The following PTPRR variants were observed in gnomAD, a reference collection of about 807,000 sequenced individuals.
The protein encoded by PTPRR is protein tyrosine phosphatase receptor type R.
Under a neutral mutation model 77.2 loss-of-function variants are expected in PTPRR, and 38 were observed. The ratio of observed to expected loss-of-function variants is 0.49; its 90% CI spans 0.38 to 0.65. The LOEUF is 0.65. Among genes scored for constraint, PTPRR ranks in the 30% least tolerant of loss-of-function variants. PTPRR has a pLI of 0.00. For missense variants in PTPRR, 744 were observed against 799.2 expected (o/e 0.93, Z 0.83); for synonymous variants, 299 against 283.1 (o/e 1.06, Z -0.57).
intron 2 of PTPRR, among the ~76,000 whole-genome samples, chr12:70,768,742 T>C (rs1358461071): frequency 6.6e-6 from 1 of 152,104 alleles, no homozygotes; most frequent in Admixed American, 6.6e-5. Context: ...TTGATGAACA[T>C]TGATGCAAAA....
chr12:70,801,301 C>T (rs983821173), intron 2 of PTPRR, among the ~76,000 whole-genome samples: 2 of 152,092 alleles, frequency 1.3e-5, no homozygotes, highest in Non-Finnish European at 2.9e-5. Context: ...ATGGGGCACC[C>T]AGATATTTGG....
intron 2 of PTPRR, among the ~76,000 whole-genome samples, chr12:70,868,418 G>A (rs971637091): frequency 2.4e-4 from 37 of 151,728 alleles, no homozygotes; most frequent in Admixed American, 1.4e-3. Flanking sequence ...TTTATGCAGC[G>A]AAAAGACACA....
At chr12:70,685,951 C>T (rs1312973661) in intron 8 of PTPRR, among the ~76,000 whole-genome samples, 2 of 152,174 alleles carry the variant, frequency 1.3e-5, no homozygotes, top group East Asian at 1.9e-4. Context: ...TGAATCCACA[C>T]GAACACTAGG....
intron 6 of PTPRR, among the ~76,000 whole-genome samples, chr12:70,716,750 G>A (rs1889046806): frequency 1.3e-5 from 2 of 152,210 alleles, no homozygotes; most frequent in African/African-American, 4.8e-5. Flanking sequence ...GGAAGGCTGA[G>A]GCAGGAAGGA....
At chr12:70,805,300 G>A (rs1216538515) in intron 2 of PTPRR, among the ~76,000 whole-genome samples, 1 of 151,540 alleles carries the variant, frequency 6.6e-6, no homozygotes, top group African/African-American at 2.4e-5. Flanking sequence ...TTTTGAGGGA[G>A]TTTATGTATA....
chr12:70,745,536 C>T (rs940408917), intron 6 of PTPRR, among the ~76,000 whole-genome samples: 1 of 152,144 alleles, frequency 6.6e-6, no homozygotes, highest in Non-Finnish European at 1.5e-5. Flanking sequence ...GTCAGTGAAC[C>T]TCAATAAGCT....
At chr12:70,716,713 G>A (rs747874822) in intron 6 of PTPRR, among the ~76,000 whole-genome samples, 1 of 152,136 alleles carries the variant, frequency 6.6e-6, no homozygotes, top group Non-Finnish European at 1.5e-5. Context: ...TGGGCGTGGT[G>A]GCTCATGGCT....
rs558453758 is a variant in PTPRR, at chr12:70,837,952, C to T, written c.357+54727G>A. Among the ~76,000 whole-genome samples the T allele has an allele frequency of 7.2e-5, 11 of 152,158 alleles. No homozygotes were observed. In the South Asian group the frequency reaches 2.3e-3, roughly 32 times the overall value. On this transcript the variant is annotated intron_variant, in intron 2 of 13. Transcript: ENST00000283228. ...TTGTCACTCTGAAGATTCTAAGGAT[C>T]TTATGAGTTGTATGCCAGGAAATGA... is the stretch of plus-strand genomic sequence containing the variant.
chr12:70,903,375 ATC>A (rs1159931042), intron 1 of PTPRR, among the ~76,000 whole-genome samples: 2 of 151,866 alleles, frequency 1.3e-5, no homozygotes, highest in Admixed American at 6.6e-5. Context: ...TAAAATTATG[ATC>A]TGTCAATTAA....
chr12:70,770,832 T>G (rs56348614), intron 2 of PTPRR, among the ~76,000 whole-genome samples: 3,848 of 151,968 alleles, frequency 0.025, 145 homozygotes, highest in African/African-American at 0.087. Context: ...CCATAAAAAA[T>G]GATGAGTTCA....
At chr12:70,829,884 T>C (rs1022831486) in intron 2 of PTPRR, among the ~76,000 whole-genome samples, 7 of 152,322 alleles carry the variant, frequency 4.6e-5, no homozygotes, top group African/African-American at 1.7e-4. Flanking sequence ...ATAAGGTGCT[T>C]CCTAAGAACA....
intron 10 of PTPRR, among the ~76,000 whole-genome samples, chr12:70,683,167 G>A (rs1887736641): frequency 6.6e-6 from 1 of 152,076 alleles, no homozygotes; most frequent in Non-Finnish European, 1.5e-5. Flanking sequence ...AATCACCAAA[G>A]GCTTATAAAG....
At chr12:70,673,315 CTGACTTTTTCTATAAGAG>C (rs1391572762) in intron 10 of PTPRR, among the ~76,000 whole-genome samples, 1 of 152,158 alleles carries the variant, frequency 6.6e-6, no homozygotes, top group Non-Finnish European at 1.5e-5. Flanking sequence ...AGGCACATTC[CTGACTTTTTCTATAAGAG>C]TGAACACAGA....
intron 8 of PTPRR, among the ~76,000 whole-genome samples, chr12:70,692,335 A>G (rs1469666541): frequency 6.6e-6 from 1 of 151,976 alleles, no homozygotes; most frequent in Admixed American, 6.5e-5. Flanking sequence ...AATATTATCT[A>G]TCTGTGCTGT....
At chr12:70,686,220 T>TA (rs137940774) in intron 8 of PTPRR, among the ~76,000 whole-genome samples, 4,450 of 152,238 alleles carry the variant, frequency 0.029, 94 homozygotes, top group South Asian at 0.11. Context: ...CACAATCTCT[T>TA]ACGTTCCCCA....
intron 2 of PTPRR, 91 bp downstream of exon 2, chr12:70,892,588 A>G: frequency 7.0e-7 from 1 of 1,429,690 alleles, no homozygotes; most frequent in Non-Finnish European, 9.6e-7. Context: ...TTCATTGATA[A>G]CTATTCACAA....
chr12:70,720,473 C>T (rs1433602777), intron 6 of PTPRR, among the ~76,000 whole-genome samples: 4 of 151,578 alleles, frequency 2.6e-5, no homozygotes, highest in Non-Finnish European at 2.9e-5. Context: ...CAGTTTTTTC[C>T]TCTCTATGTA....
chr12:70,870,388 G>A (rs1473720430), intron 2 of PTPRR, among the ~76,000 whole-genome samples: 7 of 152,160 alleles, frequency 4.6e-5, no homozygotes, highest in Non-Finnish European at 1.0e-4. Flanking sequence ...TGTGAATATA[G>A]GAACCCTATA....
chr12:70,719,899 T>C (rs545796492), intron 6 of PTPRR, among the ~76,000 whole-genome samples: 19 of 152,336 alleles, frequency 1.2e-4, no homozygotes, highest in Admixed American at 1.2e-3. Flanking sequence ...AGTAGGATTG[T>C]TGAGGACAGA....
Sources: gnomAD v4.1 joint callset for allele counts (sites outside exome capture counted in the v4.1 genomes callset) on GRCh38, gnomAD v4.1.1 for gene constraint, MANE v1.5 for transcripts, NCBI Gene and HGNC (gene_info 2026-07-23, HGNC 2026-07-21) for gene names.